ARMC1: variants seen among roughly 807,000 people sequenced by gnomAD.
ARMC1 encodes the protein armadillo repeat containing 1, also known as armadillo repeat-containing protein 1.
Under a neutral mutation model 31.4 loss-of-function variants are expected in ARMC1, and 16 were observed. The observed-to-expected ratio is 0.51, with a 90% CI of 0.34 to 0.77. The LOEUF is 0.77. Ranked by LOEUF, ARMC1 falls within the 30% of genes least tolerant of loss-of-function variation. The pLI, the probability that ARMC1 is intolerant of heterozygous loss-of-function variation, is 0.01. For missense variants in ARMC1, 259 were observed against 347.5 expected, an observed-to-expected ratio of 0.75 and a Z score of 2.02; for synonymous variants, 114 against 118.9, an observed-to-expected ratio of 0.96 and a Z score of 0.27.
chr8:65,623,624 A>C (rs2129043531), intron 2 of ARMC1, among the ~76,000 whole-genome samples: 1 of 152,014 alleles, frequency 6.6e-6, no homozygotes, highest in South Asian at 2.1e-4. Context: ...AAAACAACCA[A>C]AAAAAACCAC....
chr8:65,609,692 T>C (rs896304844), intron 4 of ARMC1, among the ~76,000 whole-genome samples: 2 of 151,770 alleles, frequency 1.3e-5, no homozygotes, highest in African/African-American at 4.8e-5. Context: ...ACCCCGTCTC[T>C]ACTAAAAACA....
intron 4 of ARMC1, among the ~76,000 whole-genome samples, chr8:65,612,161 CT>C (rs1416038185): frequency 1.3e-5 from 2 of 152,090 alleles, no homozygotes; most frequent in Non-Finnish European, 2.9e-5. Flanking sequence ...TCATAGATTA[CT>C]TTAGAAATGT....
intron 2 of ARMC1, among the ~76,000 whole-genome samples, chr8:65,626,396 G>T (rs1585719686): frequency 6.8e-6 from 1 of 146,102 alleles, no homozygotes; most frequent in South Asian, 2.1e-4. Flanking sequence ...TTGAGGCCAG[G>T]AGTTTGAGAC....
chr8:65,614,369 C>G (rs572322262), intron 3 of ARMC1, among the ~76,000 whole-genome samples: 1 of 152,306 alleles, frequency 6.6e-6, no homozygotes, highest in Admixed American at 6.5e-5. Context: ...TAGCTGCACT[C>G]TCCACTCACA....
At chr8:65,632,000 TTTTTA>T (rs1808655141) in intron 1 of ARMC1, among the ~76,000 whole-genome samples, 1 of 152,206 alleles carries the variant, frequency 6.6e-6, no homozygotes, top group Non-Finnish European at 1.5e-5. Context: ...TGCAAAATAA[TTTTTA>T]TTTTATTTTT....
chr8:65,617,097 C>T (rs1298868169), intron 3 of ARMC1, among the ~76,000 whole-genome samples: 2 of 152,144 alleles, frequency 1.3e-5, no homozygotes, highest in Admixed American at 6.5e-5. Flanking sequence ...CCCCTCTGCC[C>T]GGCGGCCACC....
chr8:65,608,389 C>T (rs538013968), intron 4 of ARMC1, among the ~76,000 whole-genome samples: 5 of 152,010 alleles, frequency 3.3e-5, no homozygotes, highest in Admixed American at 6.6e-5. Flanking sequence ...ATTAGCGGGG[C>T]GTGGTGGTGG....
At chr8:65,618,800 T>C (rs1040812945) in intron 3 of ARMC1, among the ~76,000 whole-genome samples, 4 of 152,070 alleles carry the variant, frequency 2.6e-5, no homozygotes, top group African/African-American at 9.7e-5. Flanking sequence ...TCCCAGCACT[T>C]TGGGAGGCCG....
chr8:65,627,081 T>C (rs1263543457), intron 2 of ARMC1, 135 bp downstream of exon 2: 1 of 717,464 alleles, frequency 1.4e-6, no homozygotes, highest in East Asian at 2.7e-5. Flanking sequence ...CACATACATA[T>C]GTTTGTACCT....
At chr8:65,628,455 C>T (rs1808563489) in intron 1 of ARMC1, among the ~76,000 whole-genome samples, 1 of 127,114 alleles carries the variant, frequency 7.9e-6, no homozygotes, top group Non-Finnish European at 1.6e-5. Context: ...CCATGTTGGT[C>T]AGGCTGGTCT....
intron 3 of ARMC1, among the ~76,000 whole-genome samples, chr8:65,618,260 C>A (rs1360923657): frequency 1.3e-5 from 2 of 151,922 alleles, no homozygotes; most frequent in Admixed American, 6.6e-5. Flanking sequence ...CAGTGGCTCA[C>A]GCCTGTAATC....
At chr8:65,604,628 C>T (rs748204803) in intron 6 of ARMC1, 43 bp from the exon 7 acceptor site, 2 of 1,556,224 alleles carry the variant, frequency 1.3e-6, no homozygotes, top group Non-Finnish European at 1.8e-6. Context: ...ATCAACTTTA[C>T]TCCTTATTCT....
chr8:65,633,131 C>G (rs1808684075), intron 1 of ARMC1: 1 of 152,188 alleles, frequency 6.6e-6, no homozygotes, highest in South Asian at 2.1e-4. Flanking sequence ...TGTGAGACAC[C>G]TGTAATTAGG....
At chr8:65,629,991 A>T (rs1808606053) in intron 1 of ARMC1, among the ~76,000 whole-genome samples, 1 of 151,834 alleles carries the variant, frequency 6.6e-6, no homozygotes, top group Admixed American at 6.6e-5. Context: ...CTAAAAATAC[A>T]AAAATTAGCC....
intron 1 of ARMC1, among the ~76,000 whole-genome samples, chr8:65,630,348 A>G (rs1808615347): frequency 1.3e-5 from 2 of 152,226 alleles, no homozygotes. Context: ...AAATCAGGGA[A>G]AAAAGAACCA....
chr8:65,630,082 T>C (rs1307696229), intron 1 of ARMC1, among the ~76,000 whole-genome samples: 1 of 151,570 alleles, frequency 6.6e-6, no homozygotes, highest in Non-Finnish European at 1.5e-5. Context: ...GAGGTGGAGG[T>C]TGCAGTGAGC....
chr8:65,603,086 T>C lies in ARMC1; in HGVS notation c.*1308A>G, dbSNP rs1807928269. 1 of 152,192 alleles carries C rather than the reference T, an allele frequency of 6.6e-6. No individual in the cohort carries two copies. The allele number at this position is 152,192 out of a possible 1,614,324, so 9.4% of individuals were successfully genotyped here. A position where few individuals can be genotyped will look rare whatever the true frequency, so the allele number is the denominator to read the frequency against. ...AAAAGAAATTTCAATTTCTTCCTATTTGTTTTTACTCATATCAACATTAAT... is the reference window on the plus strand; with the variant it reads ...AAAAGAAATTTCAATTTCTTCCTATCTGTTTTTACTCATATCAACATTAAT... On this transcript the variant is annotated 3_prime_UTR_variant, in exon 7 of 7. Transcript: ENST00000276569.
Position 65,602,820 on chromosome 8 carries a change from C to CTCT in ARMC1, c.*1573_*1574insAGA, listed in dbSNP as rs1807919683. On this transcript the variant is annotated 3_prime_UTR_variant, in exon 7 of 7. Transcript: ENST00000276569. ...ATAGGTGCCCTGAAAGTTATTGTTG[C>CTCT]TTTTTTTGTTTTTTTTTTTTCAGTT... The CTCT allele has an allele frequency of 7.3e-6, 1 of 137,518 alleles. No homozygotes were observed. Among genetic ancestry groups the CTCT allele is most frequent in the Non-Finnish European group, 1.6e-5 (1 of 62,676 alleles). 8.5% of individuals were successfully genotyped at this position (137,518 alleles called of 1,614,324 possible).
At chr8:65,626,612 A>G (rs527878240) in intron 2 of ARMC1, among the ~76,000 whole-genome samples, 33 of 152,302 alleles carry the variant, frequency 2.2e-4, no homozygotes, top group African/African-American at 7.5e-4. Context: ...TAAAAACAAA[A>G]TAAGTGCCTC....
Sources: allele counts gnomAD v4.1 joint callset (sites outside exome capture counted in the v4.1 genomes callset), GRCh38; gene constraint gnomAD v4.1.1; transcripts MANE v1.5; gene names NCBI Gene and HGNC (gene_info 2026-07-23, HGNC 2026-07-21).